MALRD1: variants seen among roughly 807,000 people sequenced by gnomAD.
MALRD1 encodes the protein MAM and LDL receptor class A domain containing 1, also known as MAM and LDL-receptor class A domain-containing protein 1.
In MALRD1, 247 loss-of-function variants were observed where a neutral mutation model predicts 242.1. The ratio of observed to expected loss-of-function variants is 1.02; its 90% CI spans 0.92 to 1.13. The LOEUF (loss-of-function observed/expected upper bound fraction) is 1.13, where lower values mean the gene tolerates loss of function less well. Among genes scored for constraint, MALRD1 ranks in the 50% most tolerant of loss-of-function variants. The pLI is 0.00. For missense variants in MALRD1, 2,989 were observed against 2,533.1 expected (o/e 1.18, Z -3.86); for synonymous variants, 995 against 866.6 (o/e 1.15, Z -2.60).
rs146613706 is a variant in MALRD1, at chr10:19,294,622, C to T, written c.3419+11441C>T. On this transcript the variant is annotated intron_variant, in intron 21 of 39. Coordinates refer to ENST00000454679, the MANE Select transcript of MALRD1 (RefSeq NM_001142308.3). The stretch of plus-strand genomic sequence containing the variant: ...CTGAAAGAGTGGTCCACTCAGGTAA[C>T]GACCTGTCAGGACTGTGTGCTTGGT... 6.2e-4 allele frequency among the ~76,000 whole-genome samples: 94 copies of T among 152,204 alleles called. No individual in the cohort carries two copies. In the East Asian group the frequency reaches 0.015, roughly 24 times the overall value.
At chr10:19,348,214 A>G (rs548060534) in intron 25 of MALRD1, among the ~76,000 whole-genome samples, 196 bp downstream of exon 25, 1 of 152,256 alleles carries the variant, frequency 6.6e-6, no homozygotes, top group South Asian at 2.1e-4. Context: ...TGTTGGAAGA[A>G]TTTCTCCTAT....
At chr10:19,209,898 A>G (rs1055919088) in intron 18 of MALRD1, among the ~76,000 whole-genome samples, 1 of 152,188 alleles carries the variant, frequency 6.6e-6, no homozygotes. Flanking sequence ...GAAGATGAAC[A>G]TGTGGCCATT....
At chr10:19,264,227 A>T (rs978724338) in intron 19 of MALRD1, among the ~76,000 whole-genome samples, 15 of 152,130 alleles carry the variant, frequency 9.9e-5, no homozygotes, top group African/African-American at 3.6e-4. Context: ...AATGTTATGT[A>T]TCACATTTAT....
intron 28 of MALRD1, among the ~76,000 whole-genome samples, chr10:19,438,709 T>A (rs1013990350): frequency 2.6e-5 from 4 of 152,200 alleles, no homozygotes; most frequent in Non-Finnish European, 5.9e-5. Context: ...GAAATAGACT[T>A]GGTGTGATTT....
intron 30 of MALRD1, 109 bp downstream of exon 30, chr10:19,491,754 CTAGAG>C (rs1837503960): frequency 8.0e-7 from 1 of 1,252,702 alleles, no homozygotes; most frequent in African/African-American, 1.5e-5. Flanking sequence ...TTTTCATGCA[CTAGAG>C]TAGATTTAGA....
intron 11 of MALRD1, among the ~76,000 whole-genome samples, chr10:19,152,233 C>G (rs1042270142): frequency 6.6e-6 from 1 of 152,150 alleles, no homozygotes; most frequent in Admixed American, 6.6e-5. Flanking sequence ...TAACTTGGCT[C>G]ATTGTTTAGA....
At chr10:19,275,399 TG>T (rs1564521457) in intron 19 of MALRD1, among the ~76,000 whole-genome samples, 1 of 152,190 alleles carries the variant, frequency 6.6e-6, no homozygotes. Flanking sequence ...CCGGGTGCGG[TG>T]GCTCACGCCT....
chr10:19,477,949 A>G (rs1421129797), intron 29 of MALRD1, among the ~76,000 whole-genome samples: 4 of 152,194 alleles, frequency 2.6e-5, no homozygotes, highest in Admixed American at 6.5e-5. Flanking sequence ...CTGGCTCCCA[A>G]GTAACCCTTT....
intron 38 of MALRD1, among the ~76,000 whole-genome samples, chr10:19,718,910 T>A (rs959709528): frequency 6.6e-6 from 1 of 151,814 alleles, no homozygotes; most frequent in African/African-American, 2.4e-5. Context: ...CTCATGCCTT[T>A]AATCCCAGTG....
intron 36 of MALRD1, among the ~76,000 whole-genome samples, chr10:19,627,393 C>T (rs1839700121): frequency 6.6e-6 from 1 of 151,628 alleles, no homozygotes; most frequent in Admixed American, 6.6e-5. Flanking sequence ...GTAAAAGACA[C>T]CATAAACAAA....
At chr10:19,380,120 A>G (rs1031582438) in intron 26 of MALRD1, among the ~76,000 whole-genome samples, 2 of 151,182 alleles carry the variant, frequency 1.3e-5, no homozygotes, top group Admixed American at 6.6e-5. Context: ...GATTACAGAC[A>G]TGCACCACCA....
At chr10:19,394,961 T>G (rs537377909) in intron 28 of MALRD1, among the ~76,000 whole-genome samples, 2 of 152,300 alleles carry the variant, frequency 1.3e-5, no homozygotes, top group South Asian at 2.1e-4. Context: ...AAAAAGAGTA[T>G]AGATAATATA....
At chr10:19,294,840 G>A (rs1841614131) in intron 21 of MALRD1, among the ~76,000 whole-genome samples, 2 of 152,032 alleles carry the variant, frequency 1.3e-5, no homozygotes, top group Admixed American at 1.3e-4. Context: ...AAAGTGTTTA[G>A]ATATAGATAA....
chr10:19,165,856 T>C lies in MALRD1; in HGVS notation c.1830+46T>C, dbSNP rs1834666554. On this transcript the variant is annotated intron_variant, in intron 13 of 39. Transcript: ENST00000454679. Reference sequence around the variant, plus strand: ...TACAACTCAACAGAAGACACTTATTTAATGCTAAACCTTTCAGATAACAAT... The same window carrying C: ...TACAACTCAACAGAAGACACTTATTCAATGCTAAACCTTTCAGATAACAAT... 4 of 1,211,552 alleles carry C rather than the reference T, an allele frequency of 3.3e-6. No homozygotes were observed. The South Asian group carries it at 1.7e-4, about 51-fold the overall frequency. The allele number at this position is 1,211,552 out of a possible 1,614,324, so 75.1% of individuals were successfully genotyped here.
chr10:19,313,828 G>A (rs989031422), intron 21 of MALRD1, among the ~76,000 whole-genome samples: 2 of 151,416 alleles, frequency 1.3e-5, no homozygotes, highest in South Asian at 4.1e-4. Context: ...AGGAACTGTG[G>A]TTGCCCCTAA....
chr10:19,298,923 G>A (rs1841827014), intron 21 of MALRD1, among the ~76,000 whole-genome samples: 1 of 151,660 alleles, frequency 6.6e-6, no homozygotes, highest in Non-Finnish European at 1.5e-5. Flanking sequence ...CAGGCACAAT[G>A]TATCAGAGAA....
At chr10:19,078,436 A>T (rs1369437942) in intron 2 of MALRD1, among the ~76,000 whole-genome samples, 1 of 151,850 alleles carries the variant, frequency 6.6e-6, no homozygotes, top group African/African-American at 2.4e-5. Flanking sequence ...AATTTTTAAA[A>T]TGTGTTGCTT....
chr10:19,285,542 C>T (rs200062891), intron 21 of MALRD1, among the ~76,000 whole-genome samples: 21,271 of 150,906 alleles, frequency 0.14, 1,553 homozygotes, highest in African/African-American at 0.15. Flanking sequence ...TTCTCAGGTT[C>T]GTCAAAGATC....
At chr10:19,262,289 A>T (rs1839783610) in intron 19 of MALRD1, among the ~76,000 whole-genome samples, 1 of 152,136 alleles carries the variant, frequency 6.6e-6, no homozygotes, top group South Asian at 2.1e-4. Flanking sequence ...TGAAATAGTT[A>T]GCACAATCAA....
Sources: allele counts gnomAD v4.1 joint callset (sites outside exome capture counted in the v4.1 genomes callset), GRCh38; gene constraint gnomAD v4.1.1; transcripts MANE v1.5; gene names NCBI Gene and HGNC (gene_info 2026-07-23, HGNC 2026-07-21).